Variants in ZSCAN25 observed in about 807,000 individuals in gnomAD.
ZSCAN25 encodes the protein zinc finger and SCAN domain containing 25.
A neutral mutation model predicts 38.7 loss-of-function variants in ZSCAN25; 27 were observed. The observed-to-expected ratio is 0.70, with a 90% CI of 0.51 to 0.96. ZSCAN25 has a LOEUF of 0.96. Ranked by LOEUF, ZSCAN25 falls within the 40% of genes least tolerant of loss-of-function variation. The pLI, the probability that ZSCAN25 is intolerant of heterozygous loss-of-function variation, is 0.00. For missense variants in ZSCAN25, 637 were observed against 705.9 expected, an observed-to-expected ratio of 0.90 and a Z score of 1.11; for synonymous variants, 273 against 277.7, an observed-to-expected ratio of 0.98 and a Z score of 0.17.
At position 99,621,542 on chromosome 7, in the gene ZSCAN25, C is replaced by G. The variant is rs773080370; in HGVS notation, c.557C>G (p.Pro186Arg). 2.0e-6 allele frequency: 3 copies of G among 1,524,244 alleles called. No homozygotes were observed. The South Asian group carries it at 3.8e-5, about 19-fold the overall frequency. 94.4% of individuals were successfully genotyped at this position (1,524,244 alleles called of 1,614,324 possible). ...PGTEEQLSQD[P>R]GDETRAFQEQ... ...ACCGAGGAGCAGCTCAGTCAGGACC[C>G]TGGAGATGAGACACGGGCCTTCCAG... Residue 186 changes from proline (P) to arginine (R), a missense_variant, in exon 5 of 8, where the codon CCT becomes CGT. Pro to Arg is a moderately radical substitution (Grantham distance 103). Transcript: ENST00000394152.
the ZSCAN25 span, among the ~76,000 whole-genome samples, chr7:99,686,422 T>G: frequency 6.6e-6 from 1 of 152,124 alleles, no homozygotes; most frequent in South Asian, 2.1e-4. Flanking sequence ...CACAGCAGTC[T>G]GAGATCAAAC....
At chr7:99,636,040 C>A, downstream of ZSCAN25, among the ~76,000 whole-genome samples, 1 of 133,270 alleles carries the variant, frequency 7.5e-6, no homozygotes, top group East Asian at 2.1e-4. Context: ...GAGCGAGACT[C>A]CATCTCAAAA....
chr7:99,622,373 G>A, intron 5 of ZSCAN25, 176 bp from the exon 6 acceptor site: 4 of 671,322 alleles, frequency 6.0e-6, no homozygotes, highest in South Asian at 4.8e-5. Flanking sequence ...AATAGGGCAA[G>A]GGACACCCAG....
chr7:99,659,886 A>G, the ZSCAN25 span: 1 of 152,700 alleles, frequency 6.5e-6, no homozygotes, highest in African/African-American at 2.4e-5. Flanking sequence ...TGCGCGGGAT[A>G]TAATCTCCTG....
At chr7:99,726,341 C>T in the ZSCAN25 span, among the ~76,000 whole-genome samples, 1 of 152,200 alleles carries the variant, frequency 6.6e-6, no homozygotes, top group Non-Finnish European at 1.5e-5. Flanking sequence ...CCTACAAACT[C>T]TCCTTATAAT....
the ZSCAN25 span, among the ~76,000 whole-genome samples, chr7:99,699,488 T>A: frequency 1.3e-5 from 2 of 151,910 alleles, no homozygotes; most frequent in African/African-American, 4.8e-5. Context: ...AACCACCAGG[T>A]CCACAGAGGA....
At chr7:99,676,691 C>G in the ZSCAN25 span, 4 of 570,870 alleles carry the variant, frequency 7.0e-6, no homozygotes, top group Non-Finnish European at 3.1e-6. Flanking sequence ...ACTGCCCTTA[C>G]AATTTGCTCA....
the ZSCAN25 span, chr7:99,730,807 A>T: frequency 4.2e-6 from 2 of 470,796 alleles, no homozygotes; most frequent in Non-Finnish European, 7.7e-6. Flanking sequence ...AAGTCTGCAC[A>T]TCAAGTTGTG....
the ZSCAN25 span, among the ~76,000 whole-genome samples, chr7:99,679,261 G>A: frequency 6.6e-6 from 1 of 152,162 alleles, no homozygotes; most frequent in Non-Finnish European, 1.5e-5. Flanking sequence ...AAAGAGGGAA[G>A]AGCCAGGGGA....
chr7:99,695,932 G>T, the ZSCAN25 span: 1 of 1,024,224 alleles, frequency 9.8e-7, no homozygotes, highest in Non-Finnish European at 1.5e-6. Flanking sequence ...GAATGCTCAA[G>T]AGAAGGAGGT....
the ZSCAN25 span, chr7:99,715,677 G>A: frequency 1.2e-5 from 19 of 1,602,962 alleles, 1 homozygote; most frequent in South Asian, 2.0e-4. Context: ...TTAAGTGGAT[G>A]AATTACATGG....
chr7:99,703,767 C>T, the ZSCAN25 span, among the ~76,000 whole-genome samples: 6 of 152,080 alleles, frequency 3.9e-5, no homozygotes, highest in Non-Finnish European at 7.4e-5. Context: ...CTCATGGATG[C>T]CCTCCTGACC....
chr7:99,694,586 G>T, the ZSCAN25 span, among the ~76,000 whole-genome samples: 1 of 92,580 alleles, frequency 1.1e-5, no homozygotes, highest in South Asian at 4.6e-4. Context: ...TGTTTATCTT[G>T]GGGGGTACAT....
chr7:99,663,333 A>G, the ZSCAN25 span: 13 of 994,976 alleles, frequency 1.3e-5, no homozygotes, highest in Non-Finnish European at 1.6e-5. Context: ...AAATATTCCA[A>G]CATTCTCAAA....
chr7:99,663,549 C>T, the ZSCAN25 span: 1 of 991,814 alleles, frequency 1.0e-6, no homozygotes, highest in South Asian at 4.6e-5. Context: ...CGGCAGGTAG[C>T]CTCATAGGAC....
chr7:99,622,748 T>C, intron 6 of ZSCAN25, 108 bp downstream of exon 6: 1 of 1,004,410 alleles, frequency 1.0e-6, no homozygotes, highest in Admixed American at 2.4e-5. Flanking sequence ...CCAAGTTGAG[T>C]CATTCTCCCT....
chr7:99,713,659 G>A, the ZSCAN25 span: 3 of 1,311,284 alleles, frequency 2.3e-6, no homozygotes, highest in East Asian at 2.4e-5. Flanking sequence ...AATCTGATGG[G>A]TGTTGCCTGA....
chr7:99,697,237 G>A, the ZSCAN25 span, among the ~76,000 whole-genome samples: 2 of 152,202 alleles, frequency 1.3e-5, no homozygotes, highest in East Asian at 3.9e-4. Flanking sequence ...TGCTCCCTAT[G>A]GCAGGCCTGC....
the ZSCAN25 span, chr7:99,674,352 G>A: frequency 4.1e-6 from 2 of 485,042 alleles, no homozygotes; most frequent in Admixed American, 3.9e-5. Flanking sequence ...ACGGCAAGCA[G>A]ATTCCCATTG....
Sources: allele counts gnomAD v4.1 joint callset (sites outside exome capture counted in the v4.1 genomes callset), GRCh38; gene constraint gnomAD v4.1.1; transcripts MANE v1.5; gene names NCBI Gene and HGNC (gene_info 2026-07-23, HGNC 2026-07-21).